The following ADAMTS17 variants were observed in gnomAD, a reference collection of about 807,000 sequenced individuals.
ADAMTS17 encodes the protein A disintegrin and metalloproteinase with thrombospondin motifs 17.
Under a neutral mutation model 141.5 loss-of-function variants are expected in ADAMTS17, and 113 were observed. The observed-to-expected ratio is 0.80, with a 90% CI of 0.69 to 0.93. The LOEUF is 0.93. Among genes scored for constraint, ADAMTS17 ranks in the 40% least tolerant of loss-of-function variants. The pLI is 0.00. For synonymous variants in ADAMTS17, 768 were observed against 630.6 expected, an observed-to-expected ratio of 1.22 and a Z score of -3.27; for missense variants, 1,659 against 1,517.9, an observed-to-expected ratio of 1.09 and a Z score of -1.54.
chr15:100,268,776 C>T (rs777417053), intron 4 of ADAMTS17, among the ~76,000 whole-genome samples: 1 of 152,168 alleles, frequency 6.6e-6, no homozygotes, highest in Non-Finnish European at 1.5e-5. Flanking sequence ...TTAGAAAAAA[C>T]TATTCTAAAC....
chr15:100,207,533 C>T (rs977298398), intron 7 of ADAMTS17, among the ~76,000 whole-genome samples: 7 of 152,192 alleles, frequency 4.6e-5, no homozygotes, highest in African/African-American at 7.2e-5. Context: ...CCACCTAATG[C>T]GCCATGGGCT....
chr15:100,137,927 C>T (rs1303853161), intron 10 of ADAMTS17, among the ~76,000 whole-genome samples: 1 of 152,224 alleles, frequency 6.6e-6, no homozygotes, highest in Admixed American at 6.5e-5. Context: ...AATGCCCACC[C>T]TTTCACTGCC....
At chr15:100,197,943 A>G (rs1308144445) in intron 8 of ADAMTS17, among the ~76,000 whole-genome samples, 1 of 152,190 alleles carries the variant, frequency 6.6e-6, no homozygotes, top group African/African-American at 2.4e-5. Flanking sequence ...CAAACACCGC[A>G]TGTTCTCACT....
intron 4 of ADAMTS17, among the ~76,000 whole-genome samples, chr15:100,265,906 G>C (rs1325932140): frequency 6.6e-6 from 1 of 152,176 alleles, no homozygotes; most frequent in African/African-American, 2.4e-5. Context: ...CCCTGGGTGT[G>C]GGCAGGTCAT....
chr15:100,085,568 A>C (rs147858850), intron 15 of ADAMTS17, among the ~76,000 whole-genome samples: 3,329 of 152,166 alleles, frequency 0.022, 57 homozygotes, highest in Middle Eastern at 0.051. Context: ...GAAATCAAGG[A>C]AAAAATGTTA....
intron 18 of ADAMTS17, among the ~76,000 whole-genome samples, chr15:100,039,646 A>G (rs2031067658): frequency 6.6e-6 from 1 of 152,078 alleles, no homozygotes; most frequent in Non-Finnish European, 1.5e-5. Context: ...TGTTAGATTT[A>G]TTTACTGGCC....
intron 5 of ADAMTS17, among the ~76,000 whole-genome samples, 196 bp from the exon 6 acceptor site, chr15:100,261,832 A>G (rs2043529098): frequency 1.3e-5 from 2 of 152,168 alleles, no homozygotes; most frequent in South Asian, 4.1e-4. Flanking sequence ...GGCCTTACAT[A>G]TAGGTGCAAG....
At position 100,341,390 on chromosome 15, in the gene ADAMTS17, G is replaced by C. The variant is rs2046362255; in HGVS notation, c.99C>G (p.Ala33=). 2 of 1,016,934 alleles carry C rather than the reference G, an allele frequency of 2.0e-6. No individual in the cohort carries two copies. The highest frequency in any genetic ancestry group is 9.5e-5 in the East Asian group (1 of 10,526). 63.0% of individuals were successfully genotyped at this position (1,016,934 alleles called of 1,614,324 possible). Residue 33 remains alanine (A), a synonymous_variant, in exon 2 of 22, where the codon GCC becomes GCG. Transcript: ENST00000268070. ...GCCACGGGAGCACCACCTCCACGTCGGCCGCCGCGTCGCCGACAGCTGCGG... is the reference window on the plus strand; with the variant it reads ...GCCACGGGAGCACCACCTCCACGTCCGCCGCCGCGTCGCCGACAGCTGCGG... ...DPGTAVGDAA[A]DVEVVLPWRV...
intron 8 of ADAMTS17, among the ~76,000 whole-genome samples, chr15:100,188,979 C>T (rs899358648): frequency 6.6e-6 from 1 of 152,234 alleles, no homozygotes; most frequent in East Asian, 1.9e-4. Context: ...CACTGAGCAT[C>T]GGACTGAGGA....
chr15:100,133,413 G>A (rs1246427594), intron 10 of ADAMTS17, 98 bp from the exon 11 acceptor site: 5 of 1,255,266 alleles, frequency 4.0e-6, no homozygotes, highest in East Asian at 2.5e-5. Context: ...TTTCAAATTT[G>A]GGATTCGAAA....
rs189306859 is a variant in ADAMTS17 at position 100,135,428 on chromosome 15, C to T, written c.1474-2113G>A. On this transcript the variant is annotated intron_variant, in intron 10 of 21. Transcript: ENST00000268070. ...CCTTCCGAGTAGCTGGGACCACAGG[C>T]GCCCGCCACCACACCCGGCTAATTT... Among the ~76,000 whole-genome samples the T allele has an allele frequency of 4.6e-5, 7 of 152,036 alleles. No individual in the cohort carries two copies. In the East Asian group the frequency reaches 7.8e-4, roughly 17 times the overall value.
At chr15:100,219,952 T>C (rs11857210) in intron 7 of ADAMTS17, among the ~76,000 whole-genome samples, 2,758 of 152,300 alleles carry the variant, frequency 0.018, 73 homozygotes, top group African/African-American at 0.063. Flanking sequence ...TTTACATCTG[T>C]TACCCCACAA....
At chr15:100,302,591 G>A (rs1257262541) in intron 3 of ADAMTS17, among the ~76,000 whole-genome samples, 2 of 152,194 alleles carry the variant, frequency 1.3e-5, no homozygotes, top group African/African-American at 4.8e-5. Flanking sequence ...CATCCAAGCA[G>A]GAGTGAGGTG....
chr15:100,120,852 A>G (rs1026080787), intron 12 of ADAMTS17, among the ~76,000 whole-genome samples: 5 of 152,258 alleles, frequency 3.3e-5, no homozygotes. Flanking sequence ...GGTTCATTCA[A>G]AAGAACAAAA....
At chr15:100,096,630 GA>G (rs1260350811) in intron 14 of ADAMTS17, among the ~76,000 whole-genome samples, 154 bp from the exon 15 acceptor site, 1 of 152,202 alleles carries the variant, frequency 6.6e-6, no homozygotes, top group Non-Finnish European at 1.5e-5. Flanking sequence ...TTTAATTCAG[GA>G]GAGAAAAAAG....
At chr15:100,157,358 A>G (rs2039483938) in intron 8 of ADAMTS17, among the ~76,000 whole-genome samples, 1 of 152,260 alleles carries the variant, frequency 6.6e-6, no homozygotes, top group Admixed American at 6.5e-5. Context: ...TAATGTTTTT[A>G]TAGCTTAAGT....
intron 8 of ADAMTS17, among the ~76,000 whole-genome samples, chr15:100,191,700 T>G (rs972897097): frequency 3.9e-5 from 6 of 152,230 alleles, no homozygotes; most frequent in African/African-American, 1.2e-4. Context: ...TCCTTGCTGC[T>G]CTGGTCACTG....
At position 100,015,156 on chromosome 15, in the gene ADAMTS17, T is replaced by C. The variant is rs1482303312; in HGVS notation, c.2592-17567A>G. Reference sequence around the variant, plus strand: ...TTTAACTGCGGCTGCTTTAAAGTTTTTTTCGTCTGATACGAGAATAGCTAC... The same window carrying C: ...TTTAACTGCGGCTGCTTTAAAGTTTCTTTCGTCTGATACGAGAATAGCTAC... On this transcript the variant is annotated intron_variant, in intron 18 of 21. Transcript: ENST00000268070. Among the ~76,000 whole-genome samples the C allele has an allele frequency of 3.3e-5, 5 of 152,342 alleles. No individual in the cohort carries two copies. The East Asian group carries it at 9.6e-4, about 29-fold the overall frequency.
At position 100,195,130 on chromosome 15, in the gene ADAMTS17, C is replaced by T. The variant is rs559283446; in HGVS notation, c.1181+4188G>A. On this transcript the variant is annotated intron_variant, in intron 8 of 21. Transcript: ENST00000268070. ...ACGGGCAAGAAGACAACCAAGGGCA[C>T]GGGTGTACATTTAGGAGCCTCCAGG... Among the ~76,000 whole-genome samples, 20 of 152,306 alleles carry T rather than the reference C, an allele frequency of 1.3e-4. No individual in the cohort carries two copies. In the East Asian group the frequency reaches 2.5e-3, roughly 19 times the overall value.
Sources: gnomAD v4.1 joint callset for allele counts (sites outside exome capture counted in the v4.1 genomes callset) on GRCh38, gnomAD v4.1.1 for gene constraint, MANE v1.5 for transcripts, NCBI Gene and HGNC (gene_info 2026-07-23, HGNC 2026-07-21) for gene names.